IKZF1: variants seen among roughly 807,000 people sequenced by gnomAD.
IKZF1 encodes DNA-binding protein Ikaros.
IKZF1 carries 10 observed loss-of-function variants against 51.7 expected under a neutral mutation model. The observed-to-expected ratio is 0.19, with a 90% CI of 0.12 to 0.33. IKZF1 has a LOEUF of 0.33. Ranked by LOEUF, IKZF1 falls within the 10% of genes least tolerant of loss-of-function variation. The probability of loss-of-function intolerance (pLI) is 1.00; values close to 1 mark genes in which losing one functional copy is unlikely to be tolerated. For missense variants in IKZF1, 484 were observed against 707.5 expected, an observed-to-expected ratio of 0.68 and a Z score of 3.58; for synonymous variants, 280 against 282.3, an observed-to-expected ratio of 0.99 and a Z score of 0.08.
intron 7 of IKZF1, among the ~76,000 whole-genome samples, chr7:50,395,069 A>G (rs1458380635): frequency 6.6e-6 from 1 of 152,250 alleles, no homozygotes; most frequent in African/African-American, 2.4e-5. Context: ...ACCCTGTTAT[A>G]TTGTTAAAAT....
chr7:50,338,489 G>A (rs1447760763), intron 3 of IKZF1, among the ~76,000 whole-genome samples: 1 of 152,150 alleles, frequency 6.6e-6, no homozygotes, highest in African/African-American at 2.4e-5. Context: ...CTTCTACATG[G>A]GGTTTCAGAA....
At chr7:50,394,781 A>G (rs191276663) in intron 7 of IKZF1, among the ~76,000 whole-genome samples, 1 of 152,318 alleles carries the variant, frequency 6.6e-6, no homozygotes, top group East Asian at 1.9e-4. Context: ...GAGTGTGAAT[A>G]AGTATTTGTT....
chr7:50,378,127 T>G (rs1011656012), intron 4 of IKZF1, among the ~76,000 whole-genome samples: 1 of 152,224 alleles, frequency 6.6e-6, no homozygotes, highest in Non-Finnish European at 1.5e-5. Flanking sequence ...CAGATATTTG[T>G]GGGGTTGTAA....
intron 3 of IKZF1, among the ~76,000 whole-genome samples, chr7:50,365,464 C>A (rs186667606): frequency 4.3e-4 from 65 of 152,282 alleles, no homozygotes; most frequent in African/African-American, 1.4e-3. Context: ...TCTTTTGAAA[C>A]GTGATTGACA....
chr7:50,331,765 G>A (rs1287332157), intron 3 of IKZF1, among the ~76,000 whole-genome samples: 3 of 152,230 alleles, frequency 2.0e-5, no homozygotes, highest in Non-Finnish European at 2.9e-5. Context: ...TAAGTTTGGG[G>A]AGAAGGAGAC....
At chr7:50,325,559 G>A (rs1168577254) in intron 2 of IKZF1, among the ~76,000 whole-genome samples, 1 of 152,160 alleles carries the variant, frequency 6.6e-6, no homozygotes, top group Non-Finnish European at 1.5e-5. Context: ...AGATCACGAG[G>A]TCAGGAGATC....
rs1250737137 is a variant in IKZF1 at position 50,376,008 on chromosome 7, A to G, written c.161-525A>G. ...CTGAGTTTTGTCCCAAAGTTTATTAATGTTTACATGCCACAAGGAAAGGTA... is the reference window on the plus strand; with the variant it reads ...CTGAGTTTTGTCCCAAAGTTTATTAGTGTTTACATGCCACAAGGAAAGGTA... On this transcript the variant is annotated intron_variant, in intron 3 of 7. Coordinates refer to ENST00000331340, the MANE Select transcript of IKZF1 (RefSeq NM_006060.6). This position sits in a 1 kb window ranked among gnomAD's most constrained non-coding sequence, Gnocchi z 4.5. Among the ~76,000 whole-genome samples, 1 of 152,190 alleles carries G rather than the reference A, an allele frequency of 6.6e-6. No homozygotes were observed. The highest frequency in any genetic ancestry group is 6.5e-5 in the Admixed American group (1 of 15,288).
At chr7:50,369,724 T>C (rs1163268096) in intron 3 of IKZF1, 1 of 396,638 alleles carries the variant, frequency 2.5e-6, no homozygotes, top group African/African-American at 2.1e-5. Flanking sequence ...CTTATTCCAG[T>C]TTGTGTCCGT....
chr7:50,392,766 G>A (rs1815516943), intron 7 of IKZF1, among the ~76,000 whole-genome samples: 1 of 152,216 alleles, frequency 6.6e-6, no homozygotes, highest in Admixed American at 6.5e-5. Flanking sequence ...CTTTGGAAGA[G>A]GAATAGAGTT....
At chr7:50,331,750 G>A (rs1224954453) in intron 3 of IKZF1, among the ~76,000 whole-genome samples, 1 of 152,232 alleles carries the variant, frequency 6.6e-6, no homozygotes, top group Non-Finnish European at 1.5e-5. Context: ...TTCTAGGTTT[G>A]TGTGTAAGTT....
intron 1 of IKZF1, among the ~76,000 whole-genome samples, chr7:50,315,258 G>C (rs544199560): frequency 2.6e-4 from 40 of 152,228 alleles, no homozygotes; most frequent in Non-Finnish European, 5.6e-4. Context: ...GAGGGAGGGA[G>C]GGAGAGACAG....
intron 3 of IKZF1, among the ~76,000 whole-genome samples, chr7:50,364,147 C>A (rs943461041): frequency 1.9e-4 from 29 of 152,304 alleles, no homozygotes; most frequent in African/African-American, 7.0e-4. Context: ...TAGATCAGAT[C>A]TCCTCCCTCT....
Position 50,404,187 on chromosome 7 carries a change from G to A in IKZF1, c.*3560G>A, listed in dbSNP as rs1034912085. 3 of 215,232 alleles carry A rather than the reference G, an allele frequency of 1.4e-5. No individual in the cohort carries two copies. Among genetic ancestry groups the A allele is most frequent in the African/African-American group, 6.8e-5 (3 of 44,258 alleles). The allele number at this position is 215,232 out of a possible 1,614,324, so 13.3% of individuals were successfully genotyped here. A position where few individuals can be genotyped will look rare whatever the true frequency, so the allele number is the denominator to read the frequency against. ...ACAGTTTTTTATAATGTTGTGTGTG[G>A]TGATTGTTCAGGTCGAATCTGTTGT... is the stretch of plus-strand genomic sequence containing the variant. On this transcript the variant is annotated 3_prime_UTR_variant, in exon 8 of 8. Transcript: ENST00000331340.
chr7:50,311,454 C>A (rs1790156333), intron 1 of IKZF1, among the ~76,000 whole-genome samples: 1 of 152,242 alleles, frequency 6.6e-6, no homozygotes, highest in East Asian at 1.9e-4. Flanking sequence ...AATGTGTCCT[C>A]AGTGGGCCAA....
chr7:50,305,698 A>T (rs1015169609), intron 1 of IKZF1, among the ~76,000 whole-genome samples: 2 of 152,090 alleles, frequency 1.3e-5, no homozygotes, highest in Non-Finnish European at 2.9e-5. Context: ...ACAATTTCCC[A>T]CTGCGCCGCA....
At chr7:50,339,498 C>T (rs1798577307) in intron 3 of IKZF1, among the ~76,000 whole-genome samples, 1 of 152,004 alleles carries the variant, frequency 6.6e-6, no homozygotes. Flanking sequence ...ACGCCGTAAT[C>T]CCAGCACTTT....
chr7:50,334,486 T>C (rs1797134774), intron 3 of IKZF1, among the ~76,000 whole-genome samples: 1 of 151,892 alleles, frequency 6.6e-6, no homozygotes, highest in East Asian at 1.9e-4. Context: ...GTGTGTGTCA[T>C]ATGTTTGTGT....
chr7:50,344,992 A>G (rs1800001405), intron 3 of IKZF1, among the ~76,000 whole-genome samples: 1 of 151,990 alleles, frequency 6.6e-6, no homozygotes, highest in Admixed American at 6.5e-5. Context: ...TAAAAGTAAT[A>G]GCAAAAACCA....
At chr7:50,364,338 C>T (rs990064911) in intron 3 of IKZF1, among the ~76,000 whole-genome samples, 1 of 152,200 alleles carries the variant, frequency 6.6e-6, no homozygotes, top group Non-Finnish European at 1.5e-5. Context: ...GTGTTCGCAG[C>T]ATTTTATATG....
Sources: allele counts gnomAD v4.1 joint callset (sites outside exome capture counted in the v4.1 genomes callset), GRCh38; gene constraint gnomAD v4.1.1; non-coding constraint Gnocchi (gnomAD v3.1); transcripts MANE v1.5; gene names NCBI Gene and HGNC (gene_info 2026-07-23, HGNC 2026-07-21).